ARHGEF2: variants seen among roughly 807,000 people sequenced by gnomAD.
ARHGEF2 encodes Rho/Rac guanine nucleotide exchange factor 2.
Under a neutral mutation model 121.0 loss-of-function variants are expected in ARHGEF2, and 22 were observed. That is an observed-to-expected ratio of 0.18 (90% CI 0.13 to 0.26). The LOEUF (loss-of-function observed/expected upper bound fraction) is 0.26. Among genes scored for constraint, ARHGEF2 ranks in the 10% least tolerant of loss-of-function variants. The probability of loss-of-function intolerance (pLI) is 1.00; values close to 1 mark genes in which losing one functional copy is unlikely to be tolerated. For missense variants in ARHGEF2, 907 were observed against 1,336.0 expected (o/e 0.68, Z 5.01); for synonymous variants, 487 against 530.0 (o/e 0.92, Z 1.11).
rs1343078972 is a variant in ARHGEF2 at position 155,961,803 on chromosome 1, C to T, written c.1326G>A (p.Leu442=). The T allele has an allele frequency of 6.2e-7, 1 of 1,613,884 alleles. No individual in the cohort carries two copies. The highest frequency in any genetic ancestry group is 1.1e-5 in the South Asian group (1 of 91,064). ...GIYQLEKGAR[L]QEIYNRMDPR... is the part of the protein sequence containing the mutation. ...GGTCCATGCGGTTGTAGATCTCCTG[C>T]AGACGGGCCCCTTTCTCCAGCTGAT... Residue 442 remains leucine (L), a synonymous_variant, in exon 11 of 22, where the codon CTG becomes CTA. Transcript: ENST00000361247. The surrounding 1 kb of genome is among the most constrained non-coding windows in gnomAD (Gnocchi z 4.7).
chr1:155,978,256 G>A lies in ARHGEF2; in HGVS notation c.63+109C>T. 9.1e-7 allele frequency: 1 copy of A among 1,102,570 alleles called. No individual in the cohort carries two copies. 68.3% of individuals were successfully genotyped at this position (1,102,570 alleles called of 1,614,324 possible). A position where few individuals can be genotyped will look rare whatever the true frequency, so the allele number is the denominator to read the frequency against. The stretch of plus-strand genomic sequence containing the variant: ...CGCTCGCCGATCCACCGCTCCGCCC[G>A]ATTTTGGCGCCCAGAAAGCAGGCGG... On this transcript the variant is annotated intron_variant, in intron 1 of 21. Transcript: ENST00000361247. The surrounding 1 kb of genome is among the most constrained non-coding windows in gnomAD (Gnocchi z 4.1).
At position 155,978,059 on chromosome 1, in the gene ARHGEF2, T is replaced by C. The variant is rs2102701695; in HGVS notation, c.63+306A>G. On this transcript the variant is annotated intron_variant, in intron 1 of 21. Transcript: ENST00000361247. The surrounding 1 kb of genome is among the most constrained non-coding windows in gnomAD (Gnocchi z 4.1). The stretch of plus-strand genomic sequence containing the variant: ...CACACACCTCCCTCTTCCCGCTCCG[T>C]CCCTTACCGGAGCAACTTTCTTTCA... 15 of 1,131,460 alleles carry C rather than the reference T, an allele frequency of 1.3e-5. No individual in the cohort carries two copies. Among genetic ancestry groups the C allele is most frequent in the East Asian group, 4.5e-5 (1 of 22,302 alleles). 70.1% of individuals were successfully genotyped at this position (1,131,460 alleles called of 1,614,324 possible).
chr1:155,950,261 C>CAT lies in ARHGEF2; in HGVS notation c.2887+37_2887+38insAT. 6.2e-7 allele frequency: 1 copy of CAT among 1,605,610 alleles called. No individual in the cohort carries two copies. Among genetic ancestry groups the CAT allele is most frequent in the South Asian group, 1.1e-5 (1 of 90,760 alleles). Reference sequence around the variant, plus strand: ...AGCCCAATGGCCTGTACCCAGGCTGCACTCTACCTCTGGTCCATGTCTCCG... The same window carrying CAT: ...AGCCCAATGGCCTGTACCCAGGCTGCATACTCTACCTCTGGTCCATGTCTCCG... On this transcript the variant is annotated intron_variant, in intron 21 of 21. Transcript: ENST00000361247. The surrounding 1 kb of genome is among the most constrained non-coding windows in gnomAD (Gnocchi z 5.2).
intron 1 of ARHGEF2, among the ~76,000 whole-genome samples, chr1:155,975,677 C>G (rs1192401952): frequency 6.6e-6 from 1 of 152,180 alleles, no homozygotes; most frequent in African/African-American, 2.4e-5. Flanking sequence ...AGCCACCTCT[C>G]CATTCCTCAG....
rs1321984100 is a variant in ARHGEF2 at position 155,961,643 on chromosome 1, C to G, written c.1468+18G>C. 3.1e-6 allele frequency: 5 copies of G among 1,598,468 alleles called. No homozygotes were observed. Among genetic ancestry groups the G allele is most frequent in the Non-Finnish European group, 4.3e-6 (5 of 1,173,358 alleles). On this transcript the variant is annotated intron_variant, in intron 11 of 21. Coordinates refer to ENST00000361247, the MANE Select transcript of ARHGEF2 (RefSeq NM_001162383.2). The surrounding 1 kb of genome is among the most constrained non-coding windows in gnomAD (Gnocchi z 4.7). ...ATCTGACTTTGAATTCCTGCCTAGTCTGCCGAGCAGGTCTGACCTTTGAAG... is the reference window on the plus strand; with the variant it reads ...ATCTGACTTTGAATTCCTGCCTAGTGTGCCGAGCAGGTCTGACCTTTGAAG...
intron 2 of ARHGEF2, chr1:155,968,293 T>G (rs1383553787): frequency 1.3e-5 from 2 of 151,834 alleles, no homozygotes; most frequent in Admixed American, 6.6e-5. Context: ...CCGAGCGGGT[T>G]GCCCATCACT....
Position 155,950,833 on chromosome 1 carries a change from G to A in ARHGEF2, c.2699C>T (p.Pro900Leu). ...GDALYLSFNP[P>L]QPSRGTDRLD... ...CACCACTGCAGGCCACCTTACCTGTGGGGGGTTGAAACTCAAGTACAGGGC... is the reference window on the plus strand; with the variant it reads ...CACCACTGCAGGCCACCTTACCTGTAGGGGGTTGAAACTCAAGTACAGGGC... The change falls in exon 20 of 22, where the codon CCA becomes CTA. Residue 900 changes from proline (P) to leucine (L), a missense_variant. By Grantham distance (98) the Pro-to-Leu change is moderately conservative (BLOSUM62 -3). Coordinates refer to ENST00000361247, the MANE Select transcript of ARHGEF2 (RefSeq NM_001162383.2). The surrounding 1 kb of genome is among the most constrained non-coding windows in gnomAD (Gnocchi z 5.2). 2 of 1,522,796 alleles carry A rather than the reference G, an allele frequency of 1.3e-6. No homozygotes were observed. Among genetic ancestry groups the A allele is most frequent in the Non-Finnish European group, 1.8e-6 (2 of 1,135,418 alleles). 94.3% of individuals were successfully genotyped at this position (1,522,796 alleles called of 1,614,324 possible).
chr1:155,965,255 G>T lies in ARHGEF2; in HGVS notation c.580+48C>A. ...ACTCCCACCAGCCTCTCATCCCCCA[G>T]CCCCTCTTCATGTTCCTCAGGGCTC... is the stretch of plus-strand genomic sequence containing the variant. On this transcript the variant is annotated intron_variant, in intron 6 of 21. Coordinates refer to ENST00000361247, the MANE Select transcript of ARHGEF2 (RefSeq NM_001162383.2). This position sits in a 1 kb window ranked among gnomAD's most constrained non-coding sequence, Gnocchi z 6.0. 6.2e-7 allele frequency: 1 copy of T among 1,607,050 alleles called. No homozygotes were observed. The highest frequency in any genetic ancestry group is 8.5e-7 in the Non-Finnish European group (1 of 1,173,732).
At position 155,954,384 on chromosome 1, in the gene ARHGEF2, T is replaced by C. The variant is rs112825491; in HGVS notation, c.1783+518A>G. Among the ~76,000 whole-genome samples the C allele has an allele frequency of 2.1e-5, 3 of 146,060 alleles. No individual in the cohort carries two copies. The Admixed American group carries it at 2.1e-4, about 10-fold the overall frequency. ...CTGCAAGCTCCGCCTCCCAGGTTCA[T>C]GCCATTCTCCTACCTCACTCTCCTG... is the stretch of plus-strand genomic sequence containing the variant. On this transcript the variant is annotated intron_variant, in intron 14 of 21. Coordinates refer to ENST00000361247, the MANE Select transcript of ARHGEF2 (RefSeq NM_001162383.2).
chr1:155,977,229 G>A (rs550842040), intron 1 of ARHGEF2, among the ~76,000 whole-genome samples: 6 of 152,260 alleles, frequency 3.9e-5, no homozygotes, highest in Admixed American at 6.5e-5. Flanking sequence ...TGGGTACAGT[G>A]CGGGGGCCCC....
intron 13 of ARHGEF2, among the ~76,000 whole-genome samples, chr1:155,956,962 G>A (rs1270741734): frequency 6.7e-6 from 1 of 150,340 alleles, no homozygotes; most frequent in African/African-American, 2.4e-5. Flanking sequence ...TTGGGAGGCT[G>A]AGGCAGGAGA....
At chr1:155,963,317 C>A in intron 7 of ARHGEF2, 134 bp from the exon 8 acceptor site, 22 of 654,146 alleles carry the variant, frequency 3.4e-5, no homozygotes, top group Non-Finnish European at 5.2e-5. Context: ...TTATTATGAT[C>A]TTAGATACTT....
chr1:155,958,210 T>G (rs1263010769), intron 12 of ARHGEF2, 110 bp downstream of exon 12: 9 of 813,820 alleles, frequency 1.1e-5, no homozygotes, highest in Non-Finnish European at 1.6e-5. Context: ...GTAACAATTA[T>G]AGCTGTTTGA....
At position 155,950,920 on chromosome 1, in the gene ARHGEF2, G is replaced by T; in HGVS notation, c.2612C>A (p.Ala871Asp). 1 of 1,604,400 alleles carries T rather than the reference G, an allele frequency of 6.2e-7. No homozygotes were observed. ...AALGQTEPLP[A>D]EAPWARRPVD... ...AGGTCTGCGGGCCCAGGGGGCCTCA[G>T]CTGGGAGTGGCTCGGTCTGGCCCAG... The change falls in exon 20 of 22, where the codon GCT becomes GAT. Residue 871 changes from alanine (A) to aspartate (D), a missense_variant. By Grantham distance (126) the Ala-to-Asp change is moderately radical (BLOSUM62 -2). This residue lies in a region of ARHGEF2 where 432 missense variants were observed against 559.5 expected (regional missense o/e 0.77). Coordinates refer to ENST00000361247, the MANE Select transcript of ARHGEF2 (RefSeq NM_001162383.2). The surrounding 1 kb of genome is among the most constrained non-coding windows in gnomAD (Gnocchi z 5.2).
Position 155,950,949 on chromosome 1 carries a change from G to A in ARHGEF2, c.2583C>T (p.Ala861=), listed in dbSNP as rs768590333. The A allele has an allele frequency of 9.4e-5, 151 of 1,607,014 alleles. No individual in the cohort carries two copies. The highest frequency in any genetic ancestry group is 1.6e-4 in the East Asian group (7 of 44,770). ...REAEEARRQL[A]ALGQTEPLPA... ...GGAGTGGCTCGGTCTGGCCCAGGGC[G>A]GCCAGCTGCCTTCGAGCCTCTTCGG... The change falls in exon 20 of 22, where the codon GCC becomes GCT. Residue 861 remains alanine, a synonymous_variant. Coordinates refer to ENST00000361247, the MANE Select transcript of ARHGEF2 (RefSeq NM_001162383.2). The surrounding 1 kb of genome is among the most constrained non-coding windows in gnomAD (Gnocchi z 5.2).
chr1:155,965,257 C>T lies in ARHGEF2; in HGVS notation c.580+46G>A, dbSNP rs1572150731. 3 of 1,608,714 alleles carry T rather than the reference C, an allele frequency of 1.9e-6. No individual in the cohort carries two copies. Among genetic ancestry groups the T allele is most frequent in the Non-Finnish European group, 2.6e-6 (3 of 1,175,160 alleles). ...TCCCACCAGCCTCTCATCCCCCAGC[C>T]CCTCTTCATGTTCCTCAGGGCTCCC... On this transcript the variant is annotated intron_variant, in intron 6 of 21. Transcript: ENST00000361247. The surrounding 1 kb of genome is among the most constrained non-coding windows in gnomAD (Gnocchi z 6.0).
intron 11 of ARHGEF2, among the ~76,000 whole-genome samples, chr1:155,959,431 A>G (rs1321091525): frequency 6.6e-6 from 1 of 152,006 alleles, no homozygotes. Context: ...GCATTTTTGT[A>G]GAGACGGGGT....
chr1:155,968,363 T>G (rs746453244), intron 2 of ARHGEF2: 14 of 152,148 alleles, frequency 9.2e-5, no homozygotes, highest in Non-Finnish European at 2.1e-4. Flanking sequence ...AGAGCTTTTG[T>G]CCGCTATTCA....
intron 11 of ARHGEF2, 54 bp from the exon 12 acceptor site, chr1:155,958,450 G>A: frequency 6.9e-7 from 1 of 1,451,118 alleles, no homozygotes; most frequent in Admixed American, 1.7e-5. Context: ...CTGAGCAGCT[G>A]CTTCCCTCTT....
Sources: allele counts gnomAD v4.1 joint callset (sites outside exome capture counted in the v4.1 genomes callset), GRCh38; gene constraint gnomAD v4.1.1; regional missense constraint gnomAD v4.1.1; non-coding constraint Gnocchi (gnomAD v3.1); transcripts MANE v1.5; gene names NCBI Gene and HGNC (gene_info 2026-07-23, HGNC 2026-07-21).